ACSL4: variants seen among roughly 807,000 people sequenced by gnomAD.
The protein encoded by ACSL4 is acyl-CoA synthetase long chain family member 4, also known as long-chain-fatty-acid--CoA ligase 4.
ACSL4 carries 9 observed loss-of-function variants against 49.1 expected under a neutral mutation model. The ratio of observed to expected loss-of-function variants is 0.18; its 90% CI spans 0.11 to 0.32. The LOEUF is 0.32. Among genes scored for constraint, ACSL4 ranks in the 10% least tolerant of loss-of-function variants. The probability of loss-of-function intolerance (pLI) is 1.00; values close to 1 mark genes in which losing one functional copy is unlikely to be tolerated. For synonymous variants in ACSL4, 191 were observed against 170.3 expected (o/e 1.12, Z -0.95); for missense variants, 333 against 493.7 (o/e 0.67, Z 3.08).
chrX:109,696,632 A>G (rs1381890574), intron 1 of ACSL4, among the ~76,000 whole-genome samples: 4 of 112,699 alleles, frequency 3.5e-5, no homozygotes, highest in African/African-American at 1.3e-4. Flanking sequence ...GTTCCTTGAA[A>G]CAACACGAGG....
chrX:109,708,272 T>C (rs1450471183), intron 1 of ACSL4, among the ~76,000 whole-genome samples: 2 of 112,666 alleles, frequency 1.8e-5, no homozygotes, highest in Non-Finnish European at 3.7e-5. Flanking sequence ...TTTATCCTTA[T>C]AATTTCCCTA....
chrX:109,700,402 C>T (rs1036187698), intron 1 of ACSL4, among the ~76,000 whole-genome samples: 2 of 105,696 alleles, frequency 1.9e-5, no homozygotes, highest in Non-Finnish European at 3.9e-5. Flanking sequence ...CCGGGCACCA[C>T]GGTGCACGCC....
chrX:109,698,649 C>T (rs908579252), intron 1 of ACSL4, among the ~76,000 whole-genome samples: 2 of 111,317 alleles, frequency 1.8e-5, no homozygotes, highest in Non-Finnish European at 3.8e-5. Flanking sequence ...GATAATACAG[C>T]ATCAAGGGTT....
chrX:109,698,235 C>A (rs777106148), intron 1 of ACSL4, among the ~76,000 whole-genome samples: 1 of 111,909 alleles, frequency 8.9e-6, no homozygotes, highest in Admixed American at 9.5e-5. Flanking sequence ...AGCTACCCAG[C>A]AAAGAAAAGG....
intron 1 of ACSL4, among the ~76,000 whole-genome samples, chrX:109,706,867 T>C (rs1457152704): frequency 1.8e-5 from 2 of 112,366 alleles, no homozygotes; most frequent in Non-Finnish European, 3.8e-5. Flanking sequence ...CCTTAAGTGT[T>C]CTTAACCAGA....
Position 109,675,270 on chromosome X carries a change from T to C in ACSL4, c.931-797A>G, listed in dbSNP as rs966014723. Among the ~76,000 whole-genome samples, 4 of 112,738 alleles carry C rather than the reference T, an allele frequency of 3.5e-5. No individual in the cohort carries two copies. In the South Asian group the frequency reaches 1.5e-3, roughly 41 times the overall value. ...CTTGCTACAGAGAGCAGTTCCAGGA[T>C]AGCAGAAGCCACAAGAAGCCCTTCT... On this transcript the variant is annotated intron_variant, in intron 8 of 15. Transcript: ENST00000672401.
intron 11 of ACSL4, among the ~76,000 whole-genome samples, chrX:109,666,508 T>C (rs1922650514): frequency 9.0e-6 from 1 of 110,696 alleles, no homozygotes; most frequent in South Asian, 3.8e-4. Context: ...GGTAAAGAGG[T>C]GTTTAGATTT....
chrX:109,698,968 G>T (rs1925660701), intron 1 of ACSL4, among the ~76,000 whole-genome samples: 1 of 112,537 alleles, frequency 8.9e-6, no homozygotes, highest in Admixed American at 9.4e-5. Context: ...AGCATCTGTT[G>T]GAAATGTTTC....
intron 1 of ACSL4, among the ~76,000 whole-genome samples, chrX:109,730,754 C>T (rs1928370346): frequency 8.9e-6 from 1 of 112,465 alleles, no homozygotes. Flanking sequence ...GCAAGCTCCA[C>T]CTTCCGGGTT....
chrX:109,664,670 T>G (rs1254867589), intron 12 of ACSL4, among the ~76,000 whole-genome samples: 1 of 112,330 alleles, frequency 8.9e-6, no homozygotes, highest in Non-Finnish European at 1.9e-5. Flanking sequence ...TTGGACAACC[T>G]AAGGGTTGCA....
intron 13 of ACSL4, 52 bp from the exon 14 acceptor site, chrX:109,661,697 C>T (rs1922193473): frequency 2.5e-6 from 2 of 790,398 alleles, no homozygotes; most frequent in Non-Finnish European, 3.9e-6. Flanking sequence ...ATATGCAATT[C>T]TGACTGTCTT....
chrX:109,656,591 G>A lies in ACSL4; in HGVS notation c.1855+2763C>T, dbSNP rs184174807. On this transcript the variant is annotated intron_variant, in intron 15 of 15. Transcript: ENST00000672401. Reference sequence around the variant, plus strand: ...CCATTTTCTTTAGAAAAATGGAGACGAATGCCAGAAACTTTAAAAAAACAA... The same window carrying A: ...CCATTTTCTTTAGAAAAATGGAGACAAATGCCAGAAACTTTAAAAAAACAA... Among the ~76,000 whole-genome samples, 791 of 110,148 alleles carry A rather than the reference G, an allele frequency of 7.2e-3. 14 individuals are homozygous for A. Among genetic ancestry groups the A allele is most frequent in the African/African-American group, 0.024 (737 of 30,168 alleles).
chrX:109,727,708 TG>T (rs1928123536), intron 1 of ACSL4, among the ~76,000 whole-genome samples: 1 of 79,894 alleles, frequency 1.3e-5, no homozygotes, highest in East Asian at 3.5e-4. Context: ...TGTGTGTGTG[TG>T]TAATCAACAA....
At position 109,731,890 on chromosome X, in the gene ACSL4, T is replaced by C. The variant is rs148777669; in HGVS notation, c.-66+1249A>G. On this transcript the variant is annotated intron_variant, in intron 1 of 15. Coordinates refer to ENST00000672401, the MANE Select transcript of ACSL4 (RefSeq NM_001318510.2). ...GATATGCTCAATGGCAGTACCATCA[T>C]TGAATCTCCACCTGCTGCCTTACGT... 3.6e-5 allele frequency among the ~76,000 whole-genome samples: 4 copies of C among 112,510 alleles called. No homozygotes were observed. The East Asian group carries it at 1.1e-3, about 31-fold the overall frequency.
intron 1 of ACSL4, among the ~76,000 whole-genome samples, chrX:109,697,883 A>G: frequency 9.0e-6 from 1 of 110,819 alleles, no homozygotes; most frequent in Admixed American, 9.6e-5. Context: ...CCATCCTTCT[A>G]TAAAATCATC....
chrX:109,698,421 C>T (rs763251392), intron 1 of ACSL4, among the ~76,000 whole-genome samples: 1 of 111,319 alleles, frequency 9.0e-6, no homozygotes, highest in South Asian at 3.8e-4. Context: ...AGATTACCAC[C>T]ATGTGGGTTG....
At chrX:109,652,817 AT>A (rs1317814470) in intron 15 of ACSL4, among the ~76,000 whole-genome samples, 1 of 111,307 alleles carries the variant, frequency 9.0e-6, no homozygotes, top group African/African-American at 3.3e-5. Context: ...ATGTCACACT[AT>A]TTTTGTAAGT....
At chrX:109,644,821 G>A (rs1032142655) in intron 15 of ACSL4, among the ~76,000 whole-genome samples, 2 of 112,753 alleles carry the variant, frequency 1.8e-5, no homozygotes, top group Admixed American at 9.3e-5. Context: ...CAGTGGGTGT[G>A]CGCACCATGC....
At chrX:109,648,567 T>C (rs1212303397) in intron 15 of ACSL4, among the ~76,000 whole-genome samples, 234 of 111,486 alleles carry the variant, frequency 2.1e-3, no homozygotes, top group African/African-American at 7.4e-3. Flanking sequence ...CAGCCAACAT[T>C]ATACTGAATG....
Sources: gnomAD v4.1 joint callset for allele counts (sites outside exome capture counted in the v4.1 genomes callset) on GRCh38, gnomAD v4.1.1 for gene constraint, MANE v1.5 for transcripts, NCBI Gene and HGNC (gene_info 2026-07-23, HGNC 2026-07-21) for gene names.